The following POU3F3 variants were observed in gnomAD, a reference collection of about 807,000 sequenced individuals.
The protein encoded by POU3F3 is POU class 3 homeobox 3.
A neutral mutation model predicts 8.6 loss-of-function variants in POU3F3; 1 was observed. The ratio of observed to expected loss-of-function variants is 0.12; its 90% CI spans 0.04 to 0.55. The LOEUF (loss-of-function observed/expected upper bound fraction) is 0.55. Ranked by LOEUF, POU3F3 falls within the 20% of genes least tolerant of loss-of-function variation. The probability of loss-of-function intolerance (pLI) is 0.91; values close to 1 mark genes in which losing one functional copy is unlikely to be tolerated. For synonymous variants in POU3F3, 418 were observed against 327.4 expected, an observed-to-expected ratio of 1.28 and a Z score of -2.99; for missense variants, 577 against 690.7, an observed-to-expected ratio of 0.84 and a Z score of 1.84.
the POU3F3 span, chr2:104,866,758 C>T: frequency 6.6e-6 from 1 of 152,172 alleles, no homozygotes; most frequent in Non-Finnish European, 1.5e-5. Context: ...TATGACAGGG[C>T]ACATGTAAGC....
the POU3F3 span, among the ~76,000 whole-genome samples, chr2:104,910,536 C>A: frequency 6.6e-6 from 1 of 152,116 alleles, no homozygotes; most frequent in African/African-American, 2.4e-5. Context: ...ATACCTACCT[C>A]ACAGGACTAA....
the POU3F3 span, among the ~76,000 whole-genome samples, chr2:104,885,879 C>CCT: frequency 6.6e-6 from 1 of 152,056 alleles, no homozygotes; most frequent in Admixed American, 6.6e-5. Flanking sequence ...CTCACTGAAA[C>CCT]CTCTGCCTCC....
In POU3F3 at chr2:104,855,854, C is replaced by T; in HGVS notation, c.344C>T (p.Ala115Val). The T allele has an allele frequency of 9.2e-7, 1 of 1,082,360 alleles. No homozygotes were observed. The highest frequency in any genetic ancestry group is 3.1e-5 in the South Asian group (1 of 31,858). The allele number at this position is 1,082,360 out of a possible 1,614,324, so 67.0% of individuals were successfully genotyped here. ...AAAAAAAAAA[A>V]VEASSPWSGS... The stretch of plus-strand genomic sequence containing the variant: ...GCCGCCGCCGCTGCCGCCGCCGCCG[C>T]CGTGGAGGCGAGCTCGCCGTGGTCG... The change falls in exon 1 of 1, where the codon GCC (alanine) becomes GTC (valine). Residue 115 changes from alanine to valine, a missense_variant. Physicochemically the swap from Ala to Val is moderately conservative, Grantham distance 64. Around this residue, in one of 7 missense-constraint regions of POU3F3, gnomAD observed 484 missense variants for 422.6 expected, o/e 1.15. Coordinates refer to ENST00000361360, the MANE Select transcript of POU3F3 (RefSeq NM_006236.3).
the POU3F3 span, among the ~76,000 whole-genome samples, chr2:104,915,995 C>T: frequency 6.6e-6 from 1 of 150,424 alleles, no homozygotes. Flanking sequence ...ATGCTGTGTG[C>T]ACCTCCAGCA....
downstream of POU3F3, chr2:104,858,620 C>A (rs1229877961): frequency 1.3e-5 from 2 of 152,144 alleles, no homozygotes; most frequent in African/African-American, 4.8e-5. Context: ...GAAAAGAGTT[C>A]TTTAAGAAAT....
At chr2:104,900,550 G>A in the POU3F3 span, among the ~76,000 whole-genome samples, 18 of 152,084 alleles carry the variant, frequency 1.2e-4, no homozygotes, top group Non-Finnish European at 1.8e-4. Flanking sequence ...CTCTTCTCTC[G>A]CTGTTGTTAG....
the POU3F3 span, among the ~76,000 whole-genome samples, chr2:104,886,170 T>C: frequency 2.6e-5 from 4 of 152,222 alleles, no homozygotes; most frequent in East Asian, 5.8e-4. Flanking sequence ...TCTTGCACGA[T>C]GTCCAAGAAC....
At chr2:104,873,227 G>A in the POU3F3 span, among the ~76,000 whole-genome samples, 53,647 of 152,002 alleles carry the variant, frequency 0.35, 9,930 homozygotes, top group East Asian at 0.64. Context: ...TGTCGTGTGC[G>A]TCCCAGCTCT....
chr2:104,864,285 G>A, the POU3F3 span, among the ~76,000 whole-genome samples: 1 of 152,240 alleles, frequency 6.6e-6, no homozygotes, highest in Non-Finnish European at 1.5e-5. Context: ...GCCTTAGAAA[G>A]ATCCCGGGAC....
At chr2:104,886,044 G>T in the POU3F3 span, among the ~76,000 whole-genome samples, 3 of 152,044 alleles carry the variant, frequency 2.0e-5, no homozygotes, top group African/African-American at 7.2e-5. Flanking sequence ...TGATCCACCC[G>T]CCTCAGCCTC....
the POU3F3 span, among the ~76,000 whole-genome samples, chr2:104,898,303 G>A: frequency 7.5e-3 from 1,142 of 152,272 alleles, 11 homozygotes; most frequent in African/African-American, 0.026. Context: ...CTGTTCGTAC[G>A]TCACCCAGTG....
the POU3F3 span, among the ~76,000 whole-genome samples, chr2:104,927,144 G>A: frequency 6.6e-6 from 1 of 152,112 alleles, no homozygotes; most frequent in African/African-American, 2.4e-5. Context: ...AACATGGTGG[G>A]AAAGGCAAGG....
chr2:104,904,972 T>C, the POU3F3 span, among the ~76,000 whole-genome samples: 1 of 152,134 alleles, frequency 6.6e-6, no homozygotes, highest in Admixed American at 6.5e-5. Context: ...ATGGAGCCAT[T>C]ATTCCAGAGA....
chr2:104,873,937 G>T, the POU3F3 span, among the ~76,000 whole-genome samples: 3 of 152,178 alleles, frequency 2.0e-5, no homozygotes, highest in Admixed American at 2.0e-4. Context: ...GTCTTAATAC[G>T]GACCCGGTGT....
the POU3F3 span, among the ~76,000 whole-genome samples, chr2:104,903,417 T>C: frequency 6.6e-6 from 1 of 152,260 alleles, no homozygotes; most frequent in Non-Finnish European, 1.5e-5. Flanking sequence ...CTATTTATCC[T>C]ACAGGAGTTC....
the POU3F3 span, among the ~76,000 whole-genome samples, chr2:104,923,639 T>C: frequency 6.6e-6 from 1 of 152,176 alleles, no homozygotes; most frequent in Non-Finnish European, 1.5e-5. Context: ...ATAAGGCATA[T>C]AGAAAACACA....
the POU3F3 span, among the ~76,000 whole-genome samples, chr2:104,898,375 G>A: frequency 9.2e-5 from 14 of 152,266 alleles, no homozygotes; most frequent in African/African-American, 2.9e-4. Context: ...TTTTCCTGGG[G>A]ATATTATTGT....
At chr2:104,907,171 G>A in the POU3F3 span, among the ~76,000 whole-genome samples, 3 of 152,054 alleles carry the variant, frequency 2.0e-5, no homozygotes, top group South Asian at 4.1e-4. Context: ...TCCCCGTTCC[G>A]TTTGTGCTTC....
chr2:104,874,521 A>G, the POU3F3 span, among the ~76,000 whole-genome samples: 6 of 152,290 alleles, frequency 3.9e-5, no homozygotes, highest in Middle Eastern at 6.8e-3. Flanking sequence ...AGGTGCCAGT[A>G]AGGCCCAAAC....
Sources: gnomAD v4.1 joint callset for allele counts (sites outside exome capture counted in the v4.1 genomes callset) on GRCh38, gnomAD v4.1.1 for gene constraint, gnomAD v4.1.1 regional missense constraint, MANE v1.5 for transcripts, NCBI Gene and HGNC (gene_info 2026-07-23, HGNC 2026-07-21) for gene names.